The following SERPINA9 variants were observed in gnomAD, a reference collection of about 807,000 sequenced individuals.
SERPINA9 encodes the protein serpin family A member 9.
Under a neutral mutation model 24.5 loss-of-function variants are expected in SERPINA9, and 32 were observed. The ratio of observed to expected loss-of-function variants is 1.30; its 90% CI spans 0.98 to 1.75. The LOEUF (loss-of-function observed/expected upper bound fraction) is 1.75, where lower values mean the gene tolerates loss of function less well. SERPINA9 is among the 40% of genes most tolerant of loss of function. The probability of loss-of-function intolerance (pLI) is 0.00; values close to 1 mark genes in which losing one functional copy is unlikely to be tolerated. For missense variants in SERPINA9, 594 were observed against 497.1 expected, an observed-to-expected ratio of 1.19 and a Z score of -1.85; for synonymous variants, 233 against 197.7, an observed-to-expected ratio of 1.18 and a Z score of -1.50.
intron 1 of SERPINA9, among the ~76,000 whole-genome samples, chr14:94,472,175 G>C (rs926638845): frequency 6.6e-6 from 1 of 152,148 alleles, no homozygotes; most frequent in Non-Finnish European, 1.5e-5. Flanking sequence ...GCTGGCCAGT[G>C]AATTTATCTG....
At chr14:94,474,635 C>T (rs778646945) in intron 1 of SERPINA9, among the ~76,000 whole-genome samples, 33 of 152,188 alleles carry the variant, frequency 2.2e-4, no homozygotes, top group Admixed American at 4.6e-4. Flanking sequence ...GCCACCCCTT[C>T]TCTCTCCCAG....
Position 94,462,991 on chromosome 14 carries a change from G to C in SERPINA9, c.*102C>G, listed in dbSNP as rs571519071. 2.9e-6 allele frequency: 3 copies of C among 1,025,206 alleles called. No homozygotes were observed. The highest frequency in any genetic ancestry group is 4.8e-5 in the East Asian group (2 of 41,254). The allele number at this position is 1,025,206 out of a possible 1,614,324, so 63.5% of individuals were successfully genotyped here. A position where few individuals can be genotyped will look rare whatever the true frequency, so the allele number is the denominator to read the frequency against. ...AGTGGCATCCCTGCCAGCGAATCCA[G>C]CTCCACTGGGGTCAAATGCACCCTC... On this transcript the variant is annotated 3_prime_UTR_variant, in exon 5 of 5. Transcript: ENST00000674397.
In SERPINA9 at chr14:94,469,469, G is replaced by A; in HGVS notation, c.372C>T (p.Pro124=). 4 of 1,614,194 alleles carry A rather than the reference G, an allele frequency of 2.5e-6. No individual in the cohort carries two copies. The highest frequency in any genetic ancestry group is 2.5e-6 in the Non-Finnish European group (3 of 1,180,038). The part of the protein sequence containing the change: ...FQHLVHSLTV[P]SKDLTLKMGS... ...CCATCTTCAAGGTCAGGTCTTTGCTGGGAACAGTCAGTGAGTGAACCAGGT... is the reference window on the plus strand; with the variant it reads ...CCATCTTCAAGGTCAGGTCTTTGCTAGGAACAGTCAGTGAGTGAACCAGGT... Residue 124 remains proline (P), a synonymous_variant, in exon 2 of 5, where the codon CCC becomes CCT. Coordinates refer to ENST00000674397, the MANE Select transcript of SERPINA9 (RefSeq NM_175739.4).
At chr14:94,464,291 CT>C (rs1455149834) in intron 4 of SERPINA9, 7 of 211,600 alleles carry the variant, frequency 3.3e-5, no homozygotes, top group African/African-American at 7.1e-5. Flanking sequence ...CTCTCTCTCT[CT>C]CTCTCTCTCT....
intron 4 of SERPINA9, among the ~76,000 whole-genome samples, chr14:94,463,837 C>A (rs2139793739): frequency 6.6e-6 from 1 of 152,274 alleles, no homozygotes; most frequent in East Asian, 1.9e-4. Context: ...TGACTACAGG[C>A]ATTATTTTTC....
rs866545816 is a variant in SERPINA9 at position 94,464,852 on chromosome 14, C to T, written c.905G>A (p.Trp302Ter). Residue 302 changes from tryptophan (W) to a stop codon, truncating the protein, a stop_gained and splice_region_variant, in exon 4 of 5, where the codon TGG becomes TAG. Transcript: ENST00000674397. LOFTEE classifies it high-confidence loss of function. ...AAATCTGGGGATGAACACCTCTATC[C>T]ACCTGTGGAGTAGGGAAAAGGAAAC... ...RKWSHSLQKR[W>*]IEVFIPRFSI... is the part of the protein sequence containing the mutation. 1.2e-6 allele frequency: 2 copies of T among 1,612,174 alleles called. No homozygotes were observed. Among genetic ancestry groups the T allele is most frequent in the Admixed American group, 1.7e-5 (1 of 59,672 alleles).
Position 94,467,228 on chromosome 14 carries a change from C to T in SERPINA9, c.783G>A (p.Met261Ile), listed in dbSNP as rs761120358. 76 of 1,614,092 alleles carry T rather than the reference C, an allele frequency of 4.7e-5. No individual in the cohort carries two copies. The highest frequency in any genetic ancestry group is 6.3e-5 in the Non-Finnish European group (74 of 1,180,046). Residue 261 changes from methionine to isoleucine, a missense_variant, in exon 3 of 5, where the codon ATG becomes ATA. Met to Ile is a conservative substitution (Grantham distance 10). Coordinates refer to ENST00000674397, the MANE Select transcript of SERPINA9 (RefSeq NM_175739.4). ...DTELNCFVLQ[M>I]DYKGDAVAFF... is the part of the protein sequence containing the mutation. ...AGGCCACGGCATCTCCCTTGTAATC[C>T]ATCTGCAGCACAAAGCAGTTCAGCT...
In SERPINA9 at chr14:94,469,789, T is replaced by C. The variant is rs760573855; in HGVS notation, c.52A>G (p.Ile18Val). 2.0e-6 allele frequency: 3 copies of C among 1,533,932 alleles called. No homozygotes were observed. Among genetic ancestry groups the C allele is most frequent in the Admixed American group, 2.1e-5 (1 of 47,552 alleles). Residue 18 changes from isoleucine to valine, a missense_variant, in exon 2 of 5, where the codon ATC becomes GTC. Coordinates refer to ENST00000674397, the MANE Select transcript of SERPINA9 (RefSeq NM_175739.4). ...GCATTGGCCGGGGACACACAGTAGA[T>C]TGGAGCACAGAGGCCAACAGCAAAG... Reference protein sequence around the residue: ...VLFAVGLCAPIYCVSPANAPS... With the variant: ...VLFAVGLCAPVYCVSPANAPS...
intron 1 of SERPINA9, 169 bp from the exon 2 acceptor site, chr14:94,470,026 CTTA>C (rs1188906724): frequency 7.9e-6 from 5 of 635,908 alleles, no homozygotes; most frequent in African/African-American, 1.8e-5. Context: ...TGATGTAGAT[CTTA>C]TTATTGCTGT....
In SERPINA9 at chr14:94,467,389, C is replaced by T. The variant is rs1488371491; in HGVS notation, c.629-7G>A. 2 of 1,590,986 alleles carry T rather than the reference C, an allele frequency of 1.3e-6. No homozygotes were observed. Among genetic ancestry groups the T allele is most frequent in the South Asian group, 2.3e-5 (2 of 88,272 alleles). On this transcript the variant is annotated splice_region_variant and splice_polypyrimidine_tract_variant and intron_variant, in intron 2 of 4. Coordinates refer to ENST00000674397, the MANE Select transcript of SERPINA9 (RefSeq NM_175739.4). ...AAGGGCTTCTCCCACTTGGCTAGCA[C>T]AAAGAGAGAAAAGAAGTCTTTATGT...
chr14:94,469,757 A>C lies in SERPINA9; in HGVS notation c.84T>G (p.Ser28Arg). The change falls in exon 2 of 5, where the codon AGT becomes AGG. Residue 28 changes from serine (S) to arginine (R), a missense_variant. Physicochemically the swap from Ser to Arg is moderately radical, Grantham distance 110. Transcript: ENST00000674397. Reference sequence around the variant, plus strand: ...TTGTGGAGGAAGGGCGGGGGTATGCACTGGGGGCATTGGCCGGGGACACAC... The same window carrying C: ...TTGTGGAGGAAGGGCGGGGGTATGCCCTGGGGGCATTGGCCGGGGACACAC... ...IYCVSPANAP[S>R]AYPRPSSTKS... 6.4e-7 allele frequency: 1 copy of C among 1,564,948 alleles called. No individual in the cohort carries two copies. Among genetic ancestry groups the C allele is most frequent in the South Asian group, 1.2e-5 (1 of 82,658 alleles).
At chr14:94,474,912 C>T (rs1016567318) in intron 1 of SERPINA9, among the ~76,000 whole-genome samples, 2 of 152,112 alleles carry the variant, frequency 1.3e-5, no homozygotes, top group South Asian at 2.1e-4. Context: ...ACCTCGAATT[C>T]CTCAATGGCT....
At chr14:94,475,017 C>T (rs533573761) in intron 1 of SERPINA9, among the ~76,000 whole-genome samples, 3 of 152,276 alleles carry the variant, frequency 2.0e-5, no homozygotes, top group African/African-American at 7.2e-5. Context: ...TCTTTGAGGA[C>T]CCAGCTGTTT....
rs1898803426 is a variant in SERPINA9 at position 94,462,865 on chromosome 14, A to G, written c.*228T>C. On this transcript the variant is annotated 3_prime_UTR_variant, in exon 5 of 5. Coordinates refer to ENST00000674397, the MANE Select transcript of SERPINA9 (RefSeq NM_175739.4). Reference sequence around the variant, plus strand: ...TAACCCAGCAACATCCCATGAAGCTAGTTACCTGGGAGAATTTGTGGAAAA... The same window carrying G: ...TAACCCAGCAACATCCCATGAAGCTGGTTACCTGGGAGAATTTGTGGAAAA... 1.9e-5 allele frequency: 10 copies of G among 520,730 alleles called. No homozygotes were observed. Among genetic ancestry groups the G allele is most frequent in the South Asian group, 1.9e-4 (9 of 47,258 alleles). 32.3% of individuals were successfully genotyped at this position (520,730 alleles called of 1,614,324 possible).
At chr14:94,466,696 C>A (rs766485324) in intron 3 of SERPINA9, among the ~76,000 whole-genome samples, 2 of 152,206 alleles carry the variant, frequency 1.3e-5, no homozygotes, top group Admixed American at 1.3e-4. Context: ...GGTTACTTTA[C>A]CTTTTCACCA....
intron 1 of SERPINA9, among the ~76,000 whole-genome samples, chr14:94,475,682 A>C (rs1899582320): frequency 6.6e-6 from 1 of 151,726 alleles, no homozygotes; most frequent in Admixed American, 6.6e-5. Flanking sequence ...TCTTCTCTCC[A>C]TCTCAGGACC....
chr14:94,464,470 G>A, intron 4 of SERPINA9: 1 of 554,326 alleles, frequency 1.8e-6, no homozygotes. Context: ...CAGCAGGCAT[G>A]GGGGAGCACC....
chr14:94,462,896 C>T lies in SERPINA9; in HGVS notation c.*197G>A. ...CTGGGAGAATTTGTGGAAAAGGGCA[C>T]TGACTGGGGTTAATGGGTGTTGGCT... On this transcript the variant is annotated 3_prime_UTR_variant, in exon 5 of 5. Coordinates refer to ENST00000674397, the MANE Select transcript of SERPINA9 (RefSeq NM_175739.4). 3.5e-6 allele frequency: 2 copies of T among 568,666 alleles called. No individual in the cohort carries two copies. Among genetic ancestry groups the T allele is most frequent in the Non-Finnish European group, 6.3e-6 (2 of 316,900 alleles). 35.2% of individuals were successfully genotyped at this position (568,666 alleles called of 1,614,324 possible).
Position 94,464,821 on chromosome 14 carries a change from A to G in SERPINA9, c.936T>C (p.Ile312=), listed in dbSNP as rs918681535. The change falls in exon 4 of 5, where the codon ATT becomes ATC. Residue 312 remains isoleucine (I), a synonymous_variant. Transcript: ENST00000674397. ...TGGTTTCCAGATTGTAGGAGGCAGA[A>G]ATGGAAAATCTGGGGATGAACACCT... ...WIEVFIPRFS[I]SASYNLETIL... 6.2e-7 allele frequency: 1 copy of G among 1,613,844 alleles called. No homozygotes were observed. The highest frequency in any genetic ancestry group is 8.5e-7 in the Non-Finnish European group (1 of 1,179,760).
Sources: gnomAD v4.1 joint callset for allele counts (sites outside exome capture counted in the v4.1 genomes callset) on GRCh38, gnomAD v4.1.1 for gene constraint, MANE v1.5 for transcripts, NCBI Gene and HGNC (gene_info 2026-07-23, HGNC 2026-07-21) for gene names.